Variants in SGCD observed in about 807,000 individuals in gnomAD.
The protein encoded by SGCD is delta-sarcoglycan.
Under a neutral mutation model 36.6 loss-of-function variants are expected in SGCD, and 18 were observed. The observed-to-expected ratio is 0.49, with a 90% CI of 0.34 to 0.73. The LOEUF (loss-of-function observed/expected upper bound fraction) is 0.73, where lower values mean the gene tolerates loss of function less well. Among genes scored for constraint, SGCD ranks in the 30% least tolerant of loss-of-function variants. SGCD has a pLI of 0.01. For synonymous variants in SGCD, 133 were observed against 130.6 expected (o/e 1.02, Z -0.12); for missense variants, 387 against 346.7 (o/e 1.12, Z -0.92).
chr5:155,891,855 A>G (rs911680184), intron 1 of SGCD, among the ~76,000 whole-genome samples: 1 of 152,090 alleles, frequency 6.6e-6, no homozygotes. Flanking sequence ...CTTAGCTTCT[A>G]CTGGCTGTGA....
chr5:156,194,671 CA>C (rs1763978410), intron 3 of SGCD, among the ~76,000 whole-genome samples: 1 of 151,692 alleles, frequency 6.6e-6, no homozygotes, highest in Admixed American at 6.6e-5. Flanking sequence ...ATATAATTGA[CA>C]AGTAATATAA....
chr5:156,674,450 G>A (rs1274909831), intron 7 of SGCD, among the ~76,000 whole-genome samples: 2 of 152,102 alleles, frequency 1.3e-5, no homozygotes, highest in African/African-American at 4.8e-5. Flanking sequence ...GAGTGAGAGG[G>A]GCAGAGACAA....
chr5:155,904,867 G>T (rs1756468276), intron 1 of SGCD, among the ~76,000 whole-genome samples: 1 of 152,118 alleles, frequency 6.6e-6, no homozygotes, highest in African/African-American at 2.4e-5. Context: ...GTAGTGCAAA[G>T]AACATTTACT....
chr5:156,003,174 T>C (rs938254074), intron 1 of SGCD, among the ~76,000 whole-genome samples: 2 of 152,222 alleles, frequency 1.3e-5, no homozygotes, highest in South Asian at 2.1e-4. Flanking sequence ...TTTTCCTCCA[T>C]AGTAGGTGTC....
At chr5:156,370,286 G>A (rs1770314468) in intron 3 of SGCD, among the ~76,000 whole-genome samples, 1 of 152,174 alleles carries the variant, frequency 6.6e-6, no homozygotes, top group Admixed American at 6.5e-5. Context: ...GTGTGGGATT[G>A]AGGACAGCTC....
chr5:156,307,181 A>G (rs1009444409), intron 3 of SGCD, among the ~76,000 whole-genome samples: 6 of 152,100 alleles, frequency 3.9e-5, no homozygotes, highest in Non-Finnish European at 5.9e-5. Flanking sequence ...AGCTGGGACT[A>G]TAAGTGTGCA....
At chr5:156,093,428 T>C (rs1216874323) in intron 1 of SGCD, among the ~76,000 whole-genome samples, 1 of 152,228 alleles carries the variant, frequency 6.6e-6, no homozygotes, top group African/African-American at 2.4e-5. Context: ...TCAGTAGTCT[T>C]GAATTCTTCA....
chr5:156,307,650 G>T (rs894094346), intron 3 of SGCD, among the ~76,000 whole-genome samples: 1 of 135,516 alleles, frequency 7.4e-6, no homozygotes, highest in African/African-American at 2.7e-5. Context: ...ACCATACTTA[G>T]ATTTCTTTCT....
At chr5:156,609,334 G>A (rs528346374) in intron 6 of SGCD, among the ~76,000 whole-genome samples, 3 of 152,254 alleles carry the variant, frequency 2.0e-5, no homozygotes, top group South Asian at 4.2e-4. Flanking sequence ...GAGATGCTGG[G>A]TTGAAAATTC....
chr5:156,575,720 C>T (rs1759914590), intron 4 of SGCD, among the ~76,000 whole-genome samples: 1 of 151,836 alleles, frequency 6.6e-6, no homozygotes. Flanking sequence ...GTAGCATTCC[C>T]TAAAATGGGT....
chr5:156,293,775 A>G (rs1766822135), intron 3 of SGCD, among the ~76,000 whole-genome samples: 1 of 152,086 alleles, frequency 6.6e-6, no homozygotes, highest in African/African-American at 2.4e-5. Context: ...CTTCCCTTTC[A>G]GGATTGTTTT....
intron 1 of SGCD, among the ~76,000 whole-genome samples, chr5:156,029,285 G>C (rs77986776): frequency 0.015 from 2,239 of 152,226 alleles, 23 homozygotes; most frequent in Non-Finnish European, 0.024. Context: ...AGAATCTGTA[G>C]TAATAGAGTT....
chr5:156,243,399 A>C (rs1318594750), intron 3 of SGCD, among the ~76,000 whole-genome samples: 1 of 152,256 alleles, frequency 6.6e-6, no homozygotes, highest in Non-Finnish European at 1.5e-5. Flanking sequence ...AAATTATCCA[A>C]GAAGTAAACA....
chr5:155,882,302 C>A (rs1485579237), intron 1 of SGCD, among the ~76,000 whole-genome samples: 1 of 152,072 alleles, frequency 6.6e-6, no homozygotes, highest in African/African-American at 2.4e-5. Flanking sequence ...TGGTCTCAAA[C>A]TTCTGGGCTC....
At chr5:155,994,951 G>A (rs1408442760) in intron 1 of SGCD, among the ~76,000 whole-genome samples, 20 of 152,160 alleles carry the variant, frequency 1.3e-4, no homozygotes, top group Admixed American at 3.3e-4. Context: ...CAAAGGCCAC[G>A]CAACCATTCA....
chr5:156,372,585 G>GTATA (rs374745302), intron 3 of SGCD, among the ~76,000 whole-genome samples: 15 of 150,780 alleles, frequency 9.9e-5, no homozygotes, highest in African/African-American at 3.2e-4. Flanking sequence ...AGATAACTTT[G>GTATA]TATATATATA....
intron 4 of SGCD, among the ~76,000 whole-genome samples, chr5:156,536,689 G>T (rs1427187343): frequency 2.6e-5 from 4 of 152,084 alleles, no homozygotes; most frequent in African/African-American, 9.7e-5. Context: ...ACAGTTCCTA[G>T]GGTATTTTCT....
intron 3 of SGCD, among the ~76,000 whole-genome samples, chr5:156,295,839 T>C (rs1766878208): frequency 1.3e-5 from 2 of 152,172 alleles, no homozygotes; most frequent in African/African-American, 2.4e-5. Context: ...GGAAAGAAGC[T>C]AGTTTTGGAT....
At position 156,344,368 on chromosome 5, in the gene SGCD, G is replaced by T. The variant is rs79949502; in HGVS notation, c.4-121G>T. The stretch of plus-strand genomic sequence containing the variant: ...AACAGATTTTTAGAGTTGTCAGAGG[G>T]TATAAAAGTAGACAGCAGCCAGCCA... On this transcript the variant is annotated intron_variant, in intron 2 of 8. Coordinates refer to ENST00000337851, the MANE Select transcript of SGCD (RefSeq NM_000337.6). The T allele has an allele frequency of 3.2e-5, 21 of 647,120 alleles. No individual in the cohort carries two copies. The Admixed American group carries it at 5.4e-4, about 17-fold the overall frequency. 40.1% of individuals were successfully genotyped at this position (647,120 alleles called of 1,614,324 possible).
Sources: allele counts gnomAD v4.1 joint callset (sites outside exome capture counted in the v4.1 genomes callset), GRCh38; gene constraint gnomAD v4.1.1; transcripts MANE v1.5; gene names NCBI Gene and HGNC (gene_info 2026-07-23, HGNC 2026-07-21).